The following ABI3BP variants were observed in gnomAD, a reference collection of about 807,000 sequenced individuals.
ABI3BP encodes ABI family member 3 binding protein.
ABI3BP carries 216 observed loss-of-function variants against 268.6 expected under a neutral mutation model. The ratio of observed to expected loss-of-function variants is 0.80; its 90% CI spans 0.72 to 0.90. The LOEUF (loss-of-function observed/expected upper bound fraction) is 0.90, where lower values mean the gene tolerates loss of function less well. Among genes scored for constraint, ABI3BP ranks in the 40% least tolerant of loss-of-function variants. The pLI is 0.00. For missense variants in ABI3BP, 2,090 were observed against 2,182.4 expected, an observed-to-expected ratio of 0.96 and a Z score of 0.84; for synonymous variants, 730 against 730.0, an observed-to-expected ratio of 1.00 and a Z score of 0.00.
At chr3:100,860,227 A>G (rs867212150) in intron 14 of ABI3BP, among the ~76,000 whole-genome samples, 1 of 152,242 alleles carries the variant, frequency 6.6e-6, no homozygotes. Flanking sequence ...ACTGAGGATC[A>G]TGCTAAGTAG....
In ABI3BP at chr3:100,750,592, C is replaced by T. The variant is rs778790101; in HGVS notation, c.5264G>A (p.Arg1755His). Residue 1755 changes from arginine to histidine, a missense_variant, in exon 68 of 68, where the codon CGC (arginine) becomes CAC (histidine). Transcript: ENST00000471714. ...TTCTCCAAATTGGACAGGTTCCTGG[C>T]GAACTGCTCTGAAATAACCTGAGAG... ...PIKEGYFRAV[R>H]QEPVQFGEIG... 7.4e-6 allele frequency: 12 copies of T among 1,612,040 alleles called. No individual in the cohort carries two copies. Among genetic ancestry groups the T allele is most frequent in the African/African-American group, 2.7e-5 (2 of 74,808 alleles).
chr3:100,910,943 A>T (rs887017723), intron 2 of ABI3BP: 1 of 156,704 alleles, frequency 6.4e-6, no homozygotes, highest in Non-Finnish European at 1.4e-5. Context: ...AATGAAAAAA[A>T]AATCTCCTTT....
At position 100,874,875 on chromosome 3, in the gene ABI3BP, C is replaced by T. The variant is rs202079501; in HGVS notation, c.876G>A (p.Met292Ile). The change falls in exon 9 of 68, where the codon ATG (methionine) becomes ATA (isoleucine). Residue 292 changes from methionine (M) to isoleucine (I), a missense_variant. By Grantham distance (10) the Met-to-Ile change is conservative. Transcript: ENST00000471714. ...TCTTGAGTGCATCTGAAATCTCAAA[C>T]ATTAGGGATGCAGGAAGTTTTACAG... Reference protein sequence around the residue: ...ETTVKLPASLMFEISDALKTQ... With the variant: ...ETTVKLPASLIFEISDALKTQ... 2.5e-4 allele frequency: 406 copies of T among 1,600,416 alleles called. No individual in the cohort carries two copies. The highest frequency in any genetic ancestry group is 3.2e-4 in the Non-Finnish European group (376 of 1,172,480).
At chr3:100,752,972 T>A (rs1320585595) in intron 65 of ABI3BP, 24 bp from the exon 66 acceptor site, 1 of 1,598,410 alleles carries the variant, frequency 6.3e-7, no homozygotes, top group Non-Finnish European at 8.5e-7. Context: ...ATAGTTTGAG[T>A]TTAGTATCTG....
At chr3:100,905,812 T>C (rs561813100) in intron 2 of ABI3BP, among the ~76,000 whole-genome samples, 25 of 152,284 alleles carry the variant, frequency 1.6e-4, no homozygotes, top group African/African-American at 5.8e-4. Flanking sequence ...TTCATGCTAA[T>C]AATTTTAAAT....
rs79345009 is a variant in ABI3BP, at chr3:100,765,684, C to T, written c.4850+157G>A. On this transcript the variant is annotated intron_variant, in intron 63 of 67. Transcript: ENST00000471714. ...TAATTCAAGTATTTGCAAAACATGA[C>T]TCCAGAGGTATCTAGTGCTATATAT... is the stretch of plus-strand genomic sequence containing the variant. Among the ~76,000 whole-genome samples the T allele has an allele frequency of 3.9e-3, 589 of 152,266 alleles. 5 individuals carry two copies. Among genetic ancestry groups the T allele is most frequent in the African/African-American group, 0.011 (477 of 41,542 alleles).
chr3:100,830,486 T>C, intron 32 of ABI3BP, 92 bp downstream of exon 32: 1 of 1,080,046 alleles, frequency 9.3e-7, no homozygotes, highest in East Asian at 2.6e-5. Flanking sequence ...ACAGAAGCCT[T>C]GTGAAGCGGG....
At position 100,911,880 on chromosome 3, in the gene ABI3BP, C is replaced by T. The variant is rs528195261; in HGVS notation, c.260-9194G>A. 8.9e-5 allele frequency: 141 copies of T among 1,588,102 alleles called. No individual in the cohort carries two copies. The African/African-American group carries it at 1.1e-3, about 13-fold the overall frequency. ...AAACGTCATGATCTGATCTGAATGA[C>T]GACAGAATTTGTACCAACCTATCAC... On this transcript the variant is annotated intron_variant, in intron 2 of 67. Transcript: ENST00000471714.
rs931753979 is a variant in ABI3BP, at chr3:100,926,801, A to G, written c.80-320T>C. On this transcript the variant is annotated intron_variant, in intron 1 of 67. Coordinates refer to ENST00000471714, the MANE Select transcript of ABI3BP (RefSeq NM_001375547.2). ...CACACTGTCTGGGTATGGTGAAAGG[A>G]CCTGAATTTTTTTATTGGTAAAATT... is the stretch of plus-strand genomic sequence containing the variant. Among the ~76,000 whole-genome samples the G allele has an allele frequency of 2.6e-5, 4 of 152,210 alleles. No homozygotes were observed. The East Asian group carries it at 7.7e-4, about 29-fold the overall frequency.
chr3:100,954,027 C>G (rs2076003936), intron 1 of ABI3BP, among the ~76,000 whole-genome samples: 1 of 152,106 alleles, frequency 6.6e-6, no homozygotes, highest in Non-Finnish European at 1.5e-5. Flanking sequence ...TTCTCACTCC[C>G]AAACACTAGT....
rs2095217416 is a variant in ABI3BP at position 100,749,648 on chromosome 3, A to AATCT, written c.*843_*846dup. 2.5e-6 allele frequency: 1 copy of AATCT among 398,456 alleles called. No individual in the cohort carries two copies. Among genetic ancestry groups the AATCT allele is most frequent in the African/African-American group, 2.1e-5 (1 of 48,628 alleles). The allele number at this position is 398,456 out of a possible 1,614,324, so 24.7% of individuals were successfully genotyped here. A position where few individuals can be genotyped will look rare whatever the true frequency, so the allele number is the denominator to read the frequency against. On this transcript the variant is annotated 3_prime_UTR_variant, in exon 68 of 68. Coordinates refer to ENST00000471714, the MANE Select transcript of ABI3BP (RefSeq NM_001375547.2). ...GTAAATATCCTATAAAATGGTAGGC[A>AATCT]ATCTCATCGTGCATTATCTTTTTGT...
Position 100,824,958 on chromosome 3 carries a change from C to G in ABI3BP, c.2663-17G>C. The G allele has an allele frequency of 6.5e-7, 1 of 1,531,556 alleles. No homozygotes were observed. The highest frequency in any genetic ancestry group is 8.7e-7 in the Non-Finnish European group (1 of 1,143,010). 94.9% of individuals were successfully genotyped at this position (1,531,556 alleles called of 1,614,324 possible). ...TTTTGGTAGCTGAAGGAAGAAAAAG[C>G]CTTGTGTTACTCTAGGTCTTATGAT... is the stretch of plus-strand genomic sequence containing the variant. On this transcript the variant is annotated splice_polypyrimidine_tract_variant and intron_variant, in intron 35 of 67. Transcript: ENST00000471714.
rs1482671302 is a variant in ABI3BP, at chr3:100,885,553, C to T, written c.679G>A (p.Asp227Asn). 3.4e-5 allele frequency: 53 copies of T among 1,561,058 alleles called. No homozygotes were observed. The highest frequency in any genetic ancestry group is 4.5e-5 in the Non-Finnish European group (52 of 1,149,656). The change falls in exon 6 of 68, where the codon GAC becomes AAC. Residue 227 changes from aspartate (D) to asparagine (N), a missense_variant. By Grantham distance (23) the Asp-to-Asn change is conservative (BLOSUM62 1). Coordinates refer to ENST00000471714, the MANE Select transcript of ABI3BP (RefSeq NM_001375547.2). ...KVNGKIQSTYDQDHTVPAYVP... is the reference protein window; with the variant it reads ...KVNGKIQSTYNQDHTVPAYVP... ...TTACATACCACTGTGTGGTCTTGGTCATAGGTACTTTGGATTTTCCCATTT... is the reference window on the plus strand; with the variant it reads ...TTACATACCACTGTGTGGTCTTGGTTATAGGTACTTTGGATTTTCCCATTT...
intron 6 of ABI3BP, among the ~76,000 whole-genome samples, chr3:100,877,390 C>T (rs1025216825): frequency 1.3e-5 from 2 of 152,170 alleles, no homozygotes; most frequent in Non-Finnish European, 2.9e-5. Flanking sequence ...GACTCTGATC[C>T]AGATATTTCT....
Position 100,862,317 on chromosome 3 carries a change from G to C in ABI3BP, c.1279C>G (p.Gln427Glu), listed in dbSNP as rs1236409385. 1 of 1,597,630 alleles carries C rather than the reference G, an allele frequency of 6.3e-7. No individual in the cohort carries two copies. Residue 427 changes from glutamine (Q) to glutamate (E), a missense_variant, in exon 14 of 68, where the codon CAA becomes GAA. Physicochemically the swap from Gln to Glu is conservative, Grantham distance 29. Coordinates refer to ENST00000471714, the MANE Select transcript of ABI3BP (RefSeq NM_001375547.2). ...ISEDSKVLQP[Q>E]TATYDVFSSP... is the part of the protein sequence containing the mutation. ...AAGAAAAGGATTTAATTACCAGTTT[G>C]AGGCTGCAGAACTTTGGAATCTTCA...
intron 14 of ABI3BP, among the ~76,000 whole-genome samples, chr3:100,859,563 T>C (rs890694026): frequency 2.0e-5 from 3 of 151,632 alleles, no homozygotes; most frequent in Non-Finnish European, 4.4e-5. Flanking sequence ...AAATGGGAAA[T>C]AGAACATTAG....
At chr3:100,991,886 C>A (rs1455003059) in intron 1 of ABI3BP, among the ~76,000 whole-genome samples, 1 of 151,988 alleles carries the variant, frequency 6.6e-6, no homozygotes, top group African/African-American at 2.4e-5. Context: ...TTTGCAGTAA[C>A]AAAGTTGCAC....
chr3:100,830,166 A>T (rs866743412), intron 32 of ABI3BP, among the ~76,000 whole-genome samples: 37 of 105,366 alleles, frequency 3.5e-4, no homozygotes, highest in African/African-American at 1.1e-3. Context: ...TATATATATA[A>T]AATGCAGATA....
At chr3:100,825,137 C>T (rs1286902205) in intron 35 of ABI3BP, among the ~76,000 whole-genome samples, 196 bp from the exon 36 acceptor site, 4 of 152,050 alleles carry the variant, frequency 2.6e-5, no homozygotes, top group African/African-American at 7.2e-5. Flanking sequence ...TGTATACAGT[C>T]GAGTTGCTCA....
Sources: allele counts gnomAD v4.1 joint callset (sites outside exome capture counted in the v4.1 genomes callset), GRCh38; gene constraint gnomAD v4.1.1; transcripts MANE v1.5; gene names NCBI Gene and HGNC (gene_info 2026-07-23, HGNC 2026-07-21).